Variants in EYS observed in about 807,000 individuals in gnomAD.
EYS encodes EGF-like photoreceptor maintenance factor.
Under a neutral mutation model 282.1 loss-of-function variants are expected in EYS, and 250 were observed. The observed-to-expected ratio is 0.89, with a 90% CI of 0.80 to 0.98. EYS has a LOEUF of 0.98. Among genes scored for constraint, EYS ranks in the 50% least tolerant of loss-of-function variants. EYS has a pLI of 0.00. For synonymous variants in EYS, 1,355 were observed against 1,282.9 expected, an observed-to-expected ratio of 1.06 and a Z score of -1.20; for missense variants, 4,016 against 3,709.0, an observed-to-expected ratio of 1.08 and a Z score of -2.15.
At chr6:65,022,669 A>C (rs1442360211) in intron 13 of EYS, among the ~76,000 whole-genome samples, 2 of 149,472 alleles carry the variant, frequency 1.3e-5, no homozygotes, top group East Asian at 3.9e-4. Context: ...TACATATATA[A>C]AACTAAATAT....
At chr6:63,959,836 C>A (rs1305842067) in intron 35 of EYS, among the ~76,000 whole-genome samples, 3 of 152,046 alleles carry the variant, frequency 2.0e-5, no homozygotes, top group Middle Eastern at 3.4e-3. Context: ...CACAGAGGAA[C>A]AACACACACC....
intron 28 of EYS, among the ~76,000 whole-genome samples, chr6:64,429,022 T>C (rs1774501166): frequency 6.6e-6 from 1 of 152,122 alleles, no homozygotes; most frequent in Admixed American, 6.6e-5. Context: ...TAGACTGACA[T>C]CAGCTACATA....
chr6:64,231,071 C>T (rs1407463499), intron 30 of EYS, among the ~76,000 whole-genome samples: 8 of 151,092 alleles, frequency 5.3e-5, no homozygotes, highest in African/African-American at 1.7e-4. Flanking sequence ...CCTTCATAAA[C>T]TTGTCAGTTG....
intron 35 of EYS, among the ~76,000 whole-genome samples, chr6:63,975,672 A>C (rs1006829626): frequency 6.6e-6 from 1 of 152,042 alleles, no homozygotes; most frequent in Non-Finnish European, 1.5e-5. Flanking sequence ...CTGGTAATGC[A>C]AAAAGTGTCT....
chr6:64,617,636 T>C (rs1264408465), intron 23 of EYS, 103 bp from the exon 24 acceptor site: 1 of 699,784 alleles, frequency 1.4e-6, no homozygotes, highest in Non-Finnish European at 2.5e-6. Flanking sequence ...GAAATAATTA[T>C]GCTAGATGTT....
intron 12 of EYS, among the ~76,000 whole-genome samples, chr6:65,109,586 C>T (rs910947260): frequency 1.8e-4 from 27 of 151,732 alleles, no homozygotes; most frequent in Middle Eastern, 3.2e-3. Context: ...TTGGCTCTTT[C>T]CCTTTTAAAC....
chr6:64,659,210 A>C, intron 22 of EYS, among the ~76,000 whole-genome samples: 1 of 152,188 alleles, frequency 6.6e-6, no homozygotes, highest in Non-Finnish European at 1.5e-5. Flanking sequence ...ACAACATTCC[A>C]GAATCTCTGG....
intron 42 of EYS, among the ~76,000 whole-genome samples, chr6:63,723,522 A>G (rs68132675): frequency 0.084 from 12,714 of 152,082 alleles, 573 homozygotes; most frequent in East Asian, 0.16. Flanking sequence ...TAGAATAAAA[A>G]ATATCTAAGA....
At chr6:64,778,368 G>C (rs1200074432) in intron 22 of EYS, among the ~76,000 whole-genome samples, 1 of 152,180 alleles carries the variant, frequency 6.6e-6, no homozygotes, top group Non-Finnish European at 1.5e-5. Flanking sequence ...AAAATCTTAG[G>C]CTCCAAGCAC....
intron 42 of EYS, among the ~76,000 whole-genome samples, chr6:63,725,934 T>G (rs1768598244): frequency 6.6e-6 from 1 of 152,146 alleles, no homozygotes; most frequent in Non-Finnish European, 1.5e-5. Flanking sequence ...GATGTCTTTG[T>G]CAGAATTTTG....
intron 5 of EYS, among the ~76,000 whole-genome samples, chr6:65,474,223 C>T (rs1251411709): frequency 6.6e-6 from 1 of 152,036 alleles, no homozygotes; most frequent in Non-Finnish European, 1.5e-5. Flanking sequence ...TTCATAAATG[C>T]AACTGTTAGC....
intron 14 of EYS, among the ~76,000 whole-genome samples, chr6:64,976,209 A>T (rs574100207): frequency 2.9e-4 from 44 of 152,142 alleles, no homozygotes; most frequent in African/African-American, 9.9e-4. Context: ...TTGTTCAAAT[A>T]TATTCAACAG....
intron 5 of EYS, among the ~76,000 whole-genome samples, chr6:65,466,096 T>TC (rs1252563896): frequency 1.3e-5 from 2 of 152,136 alleles, no homozygotes; most frequent in African/African-American, 4.8e-5. Flanking sequence ...TGCATTGCCC[T>TC]CAGCAATATA....
chr6:65,110,128 T>C (rs1194700043), intron 12 of EYS, among the ~76,000 whole-genome samples: 1 of 152,148 alleles, frequency 6.6e-6, no homozygotes, highest in Non-Finnish European at 1.5e-5. Context: ...TCATGTTTTG[T>C]GAAGAAGAGC....
chr6:64,916,343 G>GTGTC (rs1393152665), intron 15 of EYS, among the ~76,000 whole-genome samples: 2 of 152,176 alleles, frequency 1.3e-5, no homozygotes, highest in African/African-American at 4.8e-5. Flanking sequence ...ACCTCATGTG[G>GTGTC]TGTCATTCCA....
chr6:63,990,137 A>G (rs947765139), intron 34 of EYS, among the ~76,000 whole-genome samples: 22 of 151,850 alleles, frequency 1.4e-4, no homozygotes, highest in Admixed American at 1.1e-3. Flanking sequence ...TTGTCTATAA[A>G]GAAATTAAAT....
chr6:64,513,011 G>C (rs79716130), intron 26 of EYS, among the ~76,000 whole-genome samples: 3,545 of 143,914 alleles, frequency 0.025, 133 homozygotes, highest in African/African-American at 0.086. Context: ...TTACTTAAAG[G>C]AAAAAAAAAA....
intron 28 of EYS, among the ~76,000 whole-genome samples, chr6:64,418,161 C>A (rs1337729608): frequency 1.3e-5 from 2 of 151,936 alleles, no homozygotes; most frequent in Non-Finnish European, 2.9e-5. Context: ...CAATCCAGGT[C>A]TCAAACAGAA....
intron 1 of EYS, among the ~76,000 whole-genome samples, chr6:65,671,325 C>G (rs573459054): frequency 1.6e-3 from 236 of 152,154 alleles, no homozygotes; most frequent in Non-Finnish European, 2.8e-3. Context: ...AAAAACATTA[C>G]ATTGGTAAAT....
Sources: gnomAD v4.1 joint callset for allele counts (sites outside exome capture counted in the v4.1 genomes callset) on GRCh38, gnomAD v4.1.1 for gene constraint, MANE v1.5 for transcripts, NCBI Gene and HGNC (gene_info 2026-07-23, HGNC 2026-07-21) for gene names.